The following CCM2 variants were observed in gnomAD, a reference collection of about 807,000 sequenced individuals.
The protein encoded by CCM2 is CCM2 scaffold protein.
Under a neutral mutation model 44.9 loss-of-function variants are expected in CCM2, and 25 were observed. The observed-to-expected ratio is 0.56, with a 90% CI of 0.41 to 0.78. The LOEUF (loss-of-function observed/expected upper bound fraction) is 0.78. CCM2 is among the 30% of genes least tolerant of loss of function. The pLI is 0.00. For missense variants in CCM2, 481 were observed against 580.6 expected (o/e 0.83, Z 1.76); for synonymous variants, 219 against 241.1 (o/e 0.91, Z 0.85).
chr7:45,034,134 G>C lies in CCM2; in HGVS notation c.31-4119G>C, dbSNP rs116287020. ...ACATCCTGTCTTCACTGCTGTCATAGAGCCAGGGCCTGGGCAGCACAAGGC... is the reference window on the plus strand; with the variant it reads ...ACATCCTGTCTTCACTGCTGTCATACAGCCAGGGCCTGGGCAGCACAAGGC... On this transcript the variant is annotated intron_variant, in intron 1 of 9. Transcript: ENST00000258781. 8.8e-3 allele frequency among the ~76,000 whole-genome samples: 1,340 copies of C among 152,196 alleles called. 17 individuals carry two copies. Among genetic ancestry groups the C allele is most frequent in the African/African-American group, 0.029 (1,221 of 41,518 alleles).
At chr7:45,045,117 T>C (rs1025261809) in intron 2 of CCM2, among the ~76,000 whole-genome samples, 3 of 152,246 alleles carry the variant, frequency 2.0e-5, no homozygotes, top group African/African-American at 7.2e-5. Context: ...CATTAACTTA[T>C]TCAACAAATA....
At chr7:45,070,062 A>C (rs1265118677) in intron 6 of CCM2, 101 bp downstream of exon 6, 14 of 1,458,366 alleles carry the variant, frequency 9.6e-6, no homozygotes, top group Non-Finnish European at 1.3e-5. Context: ...TAGCGCAGTT[A>C]CTGCCGTGAC....
intron 1 of CCM2, among the ~76,000 whole-genome samples, chr7:45,022,498 G>A (rs983124303): frequency 1.3e-5 from 2 of 151,224 alleles, no homozygotes; most frequent in African/African-American, 4.9e-5. Context: ...AGTAGAGACG[G>A]GGTTTCACCG....
In CCM2 at chr7:45,038,117, A is replaced by G. The variant is rs1797314033; in HGVS notation, c.31-136A>G. On this transcript the variant is annotated intron_variant, in intron 1 of 9. Transcript: ENST00000258781. ...CTTGTGTGCTGTTGGTACCTTTCTC[A>G]CCAGTCTGGCAGTCAGTGATCCCTG... The G allele has an allele frequency of 3.9e-6, 4 of 1,038,118 alleles. No individual in the cohort carries two copies. In the East Asian group the frequency reaches 1.0e-4, roughly 26 times the overall value. 64.3% of individuals were successfully genotyped at this position (1,038,118 alleles called of 1,614,324 possible). A position where few individuals can be genotyped will look rare whatever the true frequency, so the allele number is the denominator to read the frequency against.
At chr7:45,069,736 C>A in intron 5 of CCM2, 90 bp from the exon 6 acceptor site, 2 of 1,502,114 alleles carry the variant, frequency 1.3e-6, no homozygotes, top group African/African-American at 1.4e-5. Flanking sequence ...GTTTATTGAG[C>A]ATCTGGGCTG....
At position 45,015,907 on chromosome 7, in the gene CCM2, G is replaced by A. The variant is rs142631786; in HGVS notation, c.30+15544G>A. Among the ~76,000 whole-genome samples, 248 of 152,222 alleles carry A rather than the reference G, an allele frequency of 1.6e-3. 1 individual carries two copies. The highest frequency in any genetic ancestry group is 5.4e-3 in the African/African-American group (225 of 41,538). ...TGATGCTGCCCCCACCTCCCCATCC[G>A]AAAGCCATGATTTGACATTTTTAAA... On this transcript the variant is annotated intron_variant, in intron 1 of 9. Transcript: ENST00000258781.
At chr7:45,021,563 C>CAA (rs552014608) in intron 1 of CCM2, among the ~76,000 whole-genome samples, 24 of 138,926 alleles carry the variant, frequency 1.7e-4, no homozygotes, top group African/African-American at 3.6e-4. Context: ...GGCTCTTTCT[C>CAA]AAAAAAAAAA....
rs1403112546 is a variant in CCM2, at chr7:45,000,457, G to GC, written c.30+94_30+95insC. On this transcript the variant is annotated intron_variant, in intron 1 of 9. Transcript: ENST00000258781. ...TGGGCGGGTGTTCCTTGGGGCCCGG[G>GC]GGGGGGGGCAGTGGGCCAGCTGGCG... 0.036 allele frequency: 12,005 copies of GC among 337,280 alleles called. 513 individuals carry two copies. Among genetic ancestry groups the GC allele is most frequent in the Non-Finnish European group, 0.04 (8,283 of 206,746 alleles). 20.9% of individuals were successfully genotyped at this position (337,280 alleles called of 1,614,324 possible).
intron 2 of CCM2, among the ~76,000 whole-genome samples, chr7:45,050,042 A>G (rs1797930754): frequency 6.6e-6 from 1 of 152,276 alleles, no homozygotes; most frequent in Non-Finnish European, 1.5e-5. Flanking sequence ...CAATGGTCCC[A>G]TGAGATTATA....
chr7:45,038,458 C>T, intron 2 of CCM2, 32 bp downstream of exon 2: 1 of 1,610,534 alleles, frequency 6.2e-7, no homozygotes, highest in Non-Finnish European at 8.5e-7. Flanking sequence ...GACGTGCCTG[C>T]CAAACGACAG....
At chr7:45,053,904 C>A (rs1798127382) in intron 2 of CCM2, among the ~76,000 whole-genome samples, 1 of 152,216 alleles carries the variant, frequency 6.6e-6, no homozygotes, top group African/African-American at 2.4e-5. Context: ...TTTGCCACAG[C>A]AGTCCCACAA....
intron 6 of CCM2, chr7:45,071,788 G>C (rs1799086123): frequency 2.2e-6 from 1 of 456,510 alleles, no homozygotes; most frequent in Non-Finnish European, 4.4e-6. Context: ...ATCTTCCTTT[G>C]ACTGTCAGCT....
chr7:45,073,255 C>T (rs991139008), intron 7 of CCM2: 2 of 619,356 alleles, frequency 3.2e-6, no homozygotes, highest in African/African-American at 1.8e-5. Flanking sequence ...CAACTCAGAG[C>T]CATGCCCCCG....
chr7:45,010,111 G>C (rs890350565), intron 1 of CCM2, among the ~76,000 whole-genome samples: 1 of 152,036 alleles, frequency 6.6e-6, no homozygotes, highest in Non-Finnish European at 1.5e-5. Context: ...AGGTCTCACT[G>C]TGTTGCCCAG....
intron 1 of CCM2, among the ~76,000 whole-genome samples, chr7:45,009,725 A>C (rs150836708): frequency 1.9e-4 from 29 of 152,244 alleles, no homozygotes; most frequent in African/African-American, 6.0e-4. Flanking sequence ...GTTTTATCCC[A>C]TATCTAGCAT....
At chr7:45,066,472 T>A (rs979799362) in intron 4 of CCM2, among the ~76,000 whole-genome samples, 9 of 152,194 alleles carry the variant, frequency 5.9e-5, no homozygotes, top group South Asian at 2.1e-4. Flanking sequence ...GGATTAGGCA[T>A]CCAGAGTTCT....
intron 6 of CCM2, chr7:45,071,590 A>G (rs1268574336): frequency 2.9e-5 from 10 of 349,326 alleles, no homozygotes; most frequent in Middle Eastern, 9.7e-4. Context: ...TTATAATTCT[A>G]TACGTTAAGA....
intron 1 of CCM2, chr7:45,027,719 T>C: frequency 6.2e-7 from 1 of 1,614,124 alleles, no homozygotes; most frequent in Non-Finnish European, 8.5e-7. Context: ...ATAGTAGCTG[T>C]CGGCAGAGGA....
At chr7:45,030,662 G>C (rs776160885) in intron 1 of CCM2, among the ~76,000 whole-genome samples, 2 of 152,164 alleles carry the variant, frequency 1.3e-5, no homozygotes, top group Non-Finnish European at 1.5e-5. Flanking sequence ...CGATCCTCTT[G>C]CTTTGGCCTC....
Sources: allele counts gnomAD v4.1 joint callset (sites outside exome capture counted in the v4.1 genomes callset), GRCh38; gene constraint gnomAD v4.1.1; transcripts MANE v1.5; gene names NCBI Gene and HGNC (gene_info 2026-07-23, HGNC 2026-07-21).